Variants in CPA6 observed in about 807,000 individuals in gnomAD.
CPA6 encodes carboxypeptidase A6.
CPA6 carries 58 observed loss-of-function variants against 63.3 expected under a neutral mutation model. The ratio of observed to expected loss-of-function variants is 0.92; its 90% CI spans 0.74 to 1.14. The LOEUF (loss-of-function observed/expected upper bound fraction) is 1.14, where lower values mean the gene tolerates loss of function less well. CPA6 is among the 50% of genes most tolerant of loss of function. The pLI, the probability that CPA6 is intolerant of heterozygous loss-of-function variation, is 0.00. For missense variants in CPA6, 565 were observed against 526.6 expected, an observed-to-expected ratio of 1.07 and a Z score of -0.71; for synonymous variants, 185 against 179.0, an observed-to-expected ratio of 1.03 and a Z score of -0.27.
intron 8 of CPA6, among the ~76,000 whole-genome samples, chr8:67,447,013 TACAC>T (rs34839522): frequency 2.0e-5 from 3 of 148,400 alleles, no homozygotes; most frequent in East Asian, 1.9e-4. Context: ...TATATATATA[TACAC>T]ACACACATAT....
In CPA6 at chr8:67,566,763, G is replaced by A. The variant is rs867916466; in HGVS notation, c.193-48716C>T. Among the ~76,000 whole-genome samples the A allele has an allele frequency of 1.1e-4, 17 of 152,310 alleles. No homozygotes were observed. The Middle Eastern group carries it at 0.017, about 152-fold the overall frequency. Reference sequence around the variant, plus strand: ...CTCCATCCCTATGCCCAGAGAGCAGGAGCTGCTGGAGAAGCACAGGGAATG... The same window carrying A: ...CTCCATCCCTATGCCCAGAGAGCAGAAGCTGCTGGAGAAGCACAGGGAATG... On this transcript the variant is annotated intron_variant, in intron 2 of 10. Transcript: ENST00000297770.
chr8:67,612,677 C>T (rs982112460), intron 2 of CPA6, among the ~76,000 whole-genome samples: 1 of 152,154 alleles, frequency 6.6e-6, no homozygotes, highest in South Asian at 2.1e-4. Flanking sequence ...CACATTTATA[C>T]AACTCGGAAA....
chr8:67,482,919 C>A (rs746241755), intron 8 of CPA6, among the ~76,000 whole-genome samples: 6 of 152,204 alleles, frequency 3.9e-5, no homozygotes, highest in Admixed American at 2.6e-4. Flanking sequence ...TCAAAGCCCA[C>A]GCCCAGTTAT....
At chr8:67,434,320 G>T in intron 8 of CPA6, 80 bp from the exon 9 acceptor site, 1 of 1,117,800 alleles carries the variant, frequency 8.9e-7, no homozygotes, top group Admixed American at 2.2e-5. Flanking sequence ...GTTAAGCTGT[G>T]ATTTTTCTTT....
At chr8:67,591,900 C>T (rs1008800162) in intron 2 of CPA6, among the ~76,000 whole-genome samples, 7 of 152,156 alleles carry the variant, frequency 4.6e-5, no homozygotes, top group African/African-American at 1.7e-4. Context: ...CCTAATTGCC[C>T]TGGCCAGAAC....
At chr8:67,581,650 A>G (rs1813775091) in intron 2 of CPA6, among the ~76,000 whole-genome samples, 1 of 152,226 alleles carries the variant, frequency 6.6e-6, no homozygotes, top group South Asian at 2.1e-4. Flanking sequence ...AGAGAAATAC[A>G]CAAGAGATGC....
rs958106938 is a variant in CPA6 at position 67,506,958 on chromosome 8, G to C, written c.535-70C>G. 9.0e-6 allele frequency: 10 copies of C among 1,108,830 alleles called. No individual in the cohort carries two copies. In the African/African-American group the frequency reaches 9.2e-5, roughly 10 times the overall value. 68.7% of individuals were successfully genotyped at this position (1,108,830 alleles called of 1,614,324 possible). A position where few individuals can be genotyped will look rare whatever the true frequency, so the allele number is the denominator to read the frequency against. ...TCACTGACCAGCATAATTTAATAAGGTTTCAGCATAATTCTTCACTGTAGT... is the reference window on the plus strand; with the variant it reads ...TCACTGACCAGCATAATTTAATAAGCTTTCAGCATAATTCTTCACTGTAGT... On this transcript the variant is annotated intron_variant, in intron 5 of 10. Transcript: ENST00000297770.
chr8:67,740,374 A>G (rs937189574), intron 1 of CPA6, among the ~76,000 whole-genome samples: 20 of 152,350 alleles, frequency 1.3e-4, no homozygotes, highest in African/African-American at 4.1e-4. Flanking sequence ...AGCCACCATC[A>G]GGACATAAAA....
At chr8:67,432,094 G>A (rs985430466) in intron 9 of CPA6, among the ~76,000 whole-genome samples, 1 of 152,176 alleles carries the variant, frequency 6.6e-6, no homozygotes, top group African/African-American at 2.4e-5. Context: ...GTGTCTTTTG[G>A]ATGGTAATGA....
At position 67,693,831 on chromosome 8, in the gene CPA6, T is replaced by C. The variant is rs148867216; in HGVS notation, c.116+52183A>G. Among the ~76,000 whole-genome samples the C allele has an allele frequency of 3.7e-3, 570 of 152,288 alleles. 3 individuals are homozygous for C. Among genetic ancestry groups the C allele is most frequent in the African/African-American group, 0.013 (536 of 41,568 alleles). On this transcript the variant is annotated intron_variant, in intron 1 of 10. Coordinates refer to ENST00000297770, the MANE Select transcript of CPA6 (RefSeq NM_020361.5). ...AACGGACTCAGATGGAACCAAGAAGTAGCAACTACTCTAGACTTACGGGTA... is the reference window on the plus strand; with the variant it reads ...AACGGACTCAGATGGAACCAAGAAGCAGCAACTACTCTAGACTTACGGGTA...
At chr8:67,489,183 C>A (rs931563558) in intron 6 of CPA6, among the ~76,000 whole-genome samples, 1 of 151,944 alleles carries the variant, frequency 6.6e-6, no homozygotes, top group Non-Finnish European at 1.5e-5. Flanking sequence ...AGGGCTCAAG[C>A]AATCCTCCTT....
chr8:67,462,092 G>A (rs546284692), intron 8 of CPA6, among the ~76,000 whole-genome samples: 2 of 151,628 alleles, frequency 1.3e-5, no homozygotes, highest in South Asian at 4.2e-4. Context: ...CACACAGATT[G>A]CTTTCTCCTT....
At chr8:67,727,685 T>A (rs1162448184) in intron 1 of CPA6, among the ~76,000 whole-genome samples, 4 of 152,196 alleles carry the variant, frequency 2.6e-5, no homozygotes, top group Non-Finnish European at 5.9e-5. Context: ...TTTATCTGCA[T>A]AATAAGACAA....
intron 8 of CPA6, among the ~76,000 whole-genome samples, chr8:67,437,329 A>C (rs1810184313): frequency 6.6e-6 from 1 of 152,182 alleles, no homozygotes; most frequent in South Asian, 2.1e-4. Flanking sequence ...CGGGAGGCGG[A>C]GCTTGTAGCG....
intron 8 of CPA6, among the ~76,000 whole-genome samples, chr8:67,458,049 A>G (rs1413060940): frequency 1.3e-5 from 2 of 152,164 alleles, no homozygotes; most frequent in South Asian, 2.1e-4. Flanking sequence ...GAACATCCAC[A>G]TACAAAAAAG....
At chr8:67,606,699 A>G (rs1212014502) in intron 2 of CPA6, among the ~76,000 whole-genome samples, 1 of 152,188 alleles carries the variant, frequency 6.6e-6, no homozygotes, top group Non-Finnish European at 1.5e-5. Context: ...TGGTGGAGAA[A>G]GGTCCTTGGT....
chr8:67,600,487 A>G, intron 2 of CPA6, among the ~76,000 whole-genome samples: 1 of 152,186 alleles, frequency 6.6e-6, no homozygotes, highest in East Asian at 1.9e-4. Flanking sequence ...TATTCCTGAA[A>G]ATTGCTTAGA....
At chr8:67,546,265 C>T (rs1812816938) in intron 2 of CPA6, among the ~76,000 whole-genome samples, 1 of 152,142 alleles carries the variant, frequency 6.6e-6, no homozygotes, top group African/African-American at 2.4e-5. Flanking sequence ...GCTTGGTGAG[C>T]TTCCTGGTAA....
chr8:67,601,956 G>C (rs570238226), intron 2 of CPA6, among the ~76,000 whole-genome samples: 1 of 152,226 alleles, frequency 6.6e-6, no homozygotes, highest in Non-Finnish European at 1.5e-5. Context: ...CATAAGATTT[G>C]AAATCTAATA....
Sources: allele counts gnomAD v4.1 joint callset (sites outside exome capture counted in the v4.1 genomes callset), GRCh38; gene constraint gnomAD v4.1.1; transcripts MANE v1.5; gene names NCBI Gene and HGNC (gene_info 2026-07-23, HGNC 2026-07-21).